Variants in HEXB observed in about 807,000 individuals in gnomAD.
HEXB encodes the protein hexosaminidase subunit beta.
Under a neutral mutation model 71.2 loss-of-function variants are expected in HEXB, and 51 were observed. That is an observed-to-expected ratio of 0.72 (90% CI 0.57 to 0.90). HEXB has a LOEUF of 0.90. Ranked by LOEUF, HEXB falls within the 40% of genes least tolerant of loss-of-function variation. The pLI, the probability that HEXB is intolerant of heterozygous loss-of-function variation, is 0.00. For synonymous variants in HEXB, 266 were observed against 249.3 expected, an observed-to-expected ratio of 1.07 and a Z score of -0.63; for missense variants, 617 against 677.0, an observed-to-expected ratio of 0.91 and a Z score of 0.98.
intron 1 of HEXB, among the ~76,000 whole-genome samples, chr5:74,645,718 G>A (rs1178279352): frequency 6.6e-6 from 1 of 152,144 alleles, no homozygotes; most frequent in African/African-American, 2.4e-5. Flanking sequence ...AAGTGATCTA[G>A]ACTGCTTATG....
At chr5:74,706,979 C>T (rs184160496) in intron 6 of HEXB, among the ~76,000 whole-genome samples, 21,899 of 151,768 alleles carry the variant, frequency 0.14, 280 homozygotes, top group African/African-American at 0.23. Context: ...GATCTGAGAA[C>T]GGGCAGACTG....
chr5:74,670,033 C>G (rs763454512), intron 1 of HEXB, among the ~76,000 whole-genome samples: 7 of 152,130 alleles, frequency 4.6e-5, no homozygotes, highest in Non-Finnish European at 8.8e-5. Flanking sequence ...ACCTGACCTT[C>G]AAACCAAAGA....
intron 5 of HEXB, among the ~76,000 whole-genome samples, chr5:74,704,228 C>T (rs1319467219): frequency 6.6e-6 from 1 of 152,142 alleles, no homozygotes. Flanking sequence ...GAAAACCCTC[C>T]TTTTATCCTC....
At chr5:74,698,991 C>T (rs1749183908) in intron 5 of HEXB, among the ~76,000 whole-genome samples, 1 of 151,824 alleles carries the variant, frequency 6.6e-6, no homozygotes, top group South Asian at 2.1e-4. Flanking sequence ...TCGAGACCAG[C>T]CTGACCACCA....
At chr5:74,651,221 C>G (rs1428726718) in intron 1 of HEXB, among the ~76,000 whole-genome samples, 1 of 152,170 alleles carries the variant, frequency 6.6e-6, no homozygotes, top group Non-Finnish European at 1.5e-5. Flanking sequence ...TGCCCAGGAT[C>G]ACATATTTGC....
intron 6 of HEXB, among the ~76,000 whole-genome samples, chr5:74,706,609 C>T (rs536846217): frequency 1.1e-4 from 16 of 152,312 alleles, no homozygotes; most frequent in South Asian, 1.0e-3. Flanking sequence ...TGTGCTTTTC[C>T]GACGGGCTTA....
At chr5:74,708,440 A>G (rs1749457671) in intron 6 of HEXB, among the ~76,000 whole-genome samples, 1 of 148,066 alleles carries the variant, frequency 6.8e-6, no homozygotes, top group Non-Finnish European at 1.5e-5. Context: ...ACACATAACA[A>G]TATTAACTTT....
chr5:74,656,368 A>C (rs1363489614), intron 1 of HEXB, among the ~76,000 whole-genome samples: 1 of 151,964 alleles, frequency 6.6e-6, no homozygotes, highest in African/African-American at 2.4e-5. Context: ...AATCCCAGCT[A>C]CTCAGGAGGC....
At chr5:74,653,284 A>AT (rs1467366223) in intron 1 of HEXB, among the ~76,000 whole-genome samples, 12 of 152,266 alleles carry the variant, frequency 7.9e-5, no homozygotes, top group Admixed American at 7.8e-4. Context: ...GTTTAAAAAA[A>AT]GTAGCTGTCC....
At chr5:74,665,626 G>A (rs989505265) in intron 1 of HEXB, among the ~76,000 whole-genome samples, 2 of 152,190 alleles carry the variant, frequency 1.3e-5, no homozygotes, top group Non-Finnish European at 2.9e-5. Context: ...GAAGTGAATA[G>A]CAAGTTTGAT....
chr5:74,691,309 G>A (rs1025665348), intron 2 of HEXB, among the ~76,000 whole-genome samples: 19 of 152,294 alleles, frequency 1.2e-4, no homozygotes, highest in African/African-American at 4.6e-4. Context: ...ATAAAAATAT[G>A]CATGCCCTGA....
At chr5:74,642,766 AG>A (rs1747928247) in intron 1 of HEXB, among the ~76,000 whole-genome samples, 1 of 152,078 alleles carries the variant, frequency 6.6e-6, no homozygotes, top group South Asian at 2.1e-4. Context: ...TCCTTAACCA[AG>A]GGAACAGCAA....
chr5:74,657,820 TG>T (rs1221165202), intron 1 of HEXB, among the ~76,000 whole-genome samples: 1 of 152,252 alleles, frequency 6.6e-6, no homozygotes, highest in African/African-American at 2.4e-5. Context: ...ACATGTCATG[TG>T]GCGTCTTCTG....
chr5:74,710,394 C>G (rs1177170712), intron 6 of HEXB, among the ~76,000 whole-genome samples: 1 of 152,206 alleles, frequency 6.6e-6, no homozygotes, highest in Non-Finnish European at 1.5e-5. Context: ...GGGATGCCCC[C>G]TCTCACCACT....
chr5:74,677,629 T>C (rs1748659404), intron 1 of HEXB, among the ~76,000 whole-genome samples: 2 of 151,990 alleles, frequency 1.3e-5, no homozygotes, highest in South Asian at 4.2e-4. Flanking sequence ...TGTCTCGCTC[T>C]CCCCACTGTC....
chr5:74,695,161 A>G (rs993806086), intron 3 of HEXB, among the ~76,000 whole-genome samples: 2 of 149,756 alleles, frequency 1.3e-5, no homozygotes, highest in African/African-American at 4.9e-5. Flanking sequence ...TATTAGTCCA[A>G]TCTGCCTGTC....
chr5:74,708,930 C>G (rs1480180068), intron 6 of HEXB, among the ~76,000 whole-genome samples: 1 of 152,196 alleles, frequency 6.6e-6, no homozygotes, highest in Non-Finnish European at 1.5e-5. Flanking sequence ...CTCAGCTCTG[C>G]ACCAAGTGAA....
chr5:74,717,188 A>G (rs548351606), intron 9 of HEXB, among the ~76,000 whole-genome samples: 37 of 152,178 alleles, frequency 2.4e-4, no homozygotes, highest in African/African-American at 8.4e-4. Flanking sequence ...CAATCAATCA[A>G]TCAATCAATC....
intron 1 of HEXB, among the ~76,000 whole-genome samples, chr5:74,671,764 A>G (rs1748544790): frequency 6.6e-6 from 1 of 152,192 alleles, no homozygotes; most frequent in Non-Finnish European, 1.5e-5. Context: ...GATCTGGGCC[A>G]AAACTCAAAC....
Sources: allele counts gnomAD v4.1 joint callset (sites outside exome capture counted in the v4.1 genomes callset), GRCh38; gene constraint gnomAD v4.1.1; transcripts MANE v1.5; gene names NCBI Gene and HGNC (gene_info 2026-07-23, HGNC 2026-07-21).